RAB31: variants seen among roughly 807,000 people sequenced by gnomAD.
The protein encoded by RAB31 is RAB31, member RAS oncogene family.
A neutral mutation model predicts 25.6 loss-of-function variants in RAB31; 21 were observed. The ratio of observed to expected loss-of-function variants is 0.82; its 90% CI spans 0.58 to 1.18. RAB31 has a LOEUF of 1.18. Among genes scored for constraint, RAB31 ranks in the 50% most tolerant of loss-of-function variants. RAB31 has a pLI of 0.00. For synonymous variants in RAB31, 87 were observed against 84.0 expected, an observed-to-expected ratio of 1.04 and a Z score of -0.20; for missense variants, 196 against 250.1, an observed-to-expected ratio of 0.78 and a Z score of 1.46.
chr18:9,727,119 G>A (rs1169011647), intron 1 of RAB31, among the ~76,000 whole-genome samples: 2 of 152,160 alleles, frequency 1.3e-5, no homozygotes, highest in Non-Finnish European at 2.9e-5. Context: ...GCAGAGACAT[G>A]GATGCTGGCC....
chr18:9,793,029 C>CGAAT (rs1160133008), intron 3 of RAB31, among the ~76,000 whole-genome samples: 1 of 152,190 alleles, frequency 6.6e-6, no homozygotes, highest in African/African-American at 2.4e-5. Context: ...AGGGAAATGA[C>CGAAT]GAATACTAGC....
At chr18:9,718,504 C>A (rs564396766) in intron 1 of RAB31, among the ~76,000 whole-genome samples, 7 of 152,258 alleles carry the variant, frequency 4.6e-5, no homozygotes, top group African/African-American at 1.4e-4. Flanking sequence ...GGTGACCCAC[C>A]TGCCTCGGCC....
At chr18:9,832,394 A>G (rs1309478765) in intron 5 of RAB31, among the ~76,000 whole-genome samples, 1 of 152,224 alleles carries the variant, frequency 6.6e-6, no homozygotes, top group Non-Finnish European at 1.5e-5. Context: ...ACCGATGCAA[A>G]GTACACCCCA....
At chr18:9,838,433 T>C (rs1403277674) in intron 5 of RAB31, among the ~76,000 whole-genome samples, 1 of 152,176 alleles carries the variant, frequency 6.6e-6, no homozygotes, top group Non-Finnish European at 1.5e-5. Context: ...TAAACCTCCG[T>C]AGGGAAAAGC....
At chr18:9,765,990 C>T (rs1480147788) in intron 1 of RAB31, among the ~76,000 whole-genome samples, 2 of 152,004 alleles carry the variant, frequency 1.3e-5, no homozygotes, top group African/African-American at 4.8e-5. Context: ...ATATTCTCTT[C>T]CCCTTAGGCA....
chr18:9,807,951 C>T (rs988689925), intron 3 of RAB31, among the ~76,000 whole-genome samples: 3 of 152,204 alleles, frequency 2.0e-5, no homozygotes, highest in Non-Finnish European at 4.4e-5. Context: ...GTACTCCATC[C>T]TGGACGACAG....
intron 1 of RAB31, among the ~76,000 whole-genome samples, chr18:9,737,632 TTG>T (rs2068157347): frequency 6.6e-6 from 1 of 152,298 alleles, no homozygotes; most frequent in East Asian, 1.9e-4. Flanking sequence ...AGTGAATTGC[TTG>T]TGTTTATTAT....
chr18:9,835,047 A>G (rs1228413674), intron 5 of RAB31, among the ~76,000 whole-genome samples: 1 of 152,120 alleles, frequency 6.6e-6, no homozygotes, highest in Non-Finnish European at 1.5e-5. Context: ...GTTTATGTCA[A>G]TCCTCCCATC....
Position 9,766,654 on chromosome 18 carries a change from A to T in RAB31, c.40-8624A>T, listed in dbSNP as rs1190684513. On this transcript the variant is annotated intron_variant, in intron 1 of 6. Coordinates refer to ENST00000578921, the MANE Select transcript of RAB31 (RefSeq NM_006868.4). This position sits in a 1 kb window ranked among gnomAD's most constrained non-coding sequence, Gnocchi z 4.3. ...CTCCTTGTCAATGCTGAAGATGCTG[A>T]AGACGTTTTAGAAGCATGTGGCTGG... Among the ~76,000 whole-genome samples the T allele has an allele frequency of 1.3e-5, 2 of 152,156 alleles. No individual in the cohort carries two copies. Among genetic ancestry groups the T allele is most frequent in the Non-Finnish European group, 2.9e-5 (2 of 68,040 alleles).
At position 9,798,768 on chromosome 18, in the gene RAB31, G is replaced by A. The variant is rs568873636; in HGVS notation, c.201+6533G>A. On this transcript the variant is annotated intron_variant, in intron 3 of 6. Transcript: ENST00000578921. ...TGAGTAGCTGAGACTACCAGTGTAT[G>A]CCACCATGCGCAGCTAATTTAAAAA... 4.9e-5 allele frequency among the ~76,000 whole-genome samples: 7 copies of A among 142,718 alleles called. No homozygotes were observed. In the South Asian group the frequency reaches 1.7e-3, roughly 34 times the overall value. The allele number at this position is 142,718 out of a possible 152,430, so 93.6% of individuals were successfully genotyped here.
chr18:9,718,034 A>G (rs942794474), intron 1 of RAB31, among the ~76,000 whole-genome samples: 1 of 151,942 alleles, frequency 6.6e-6, no homozygotes, highest in Non-Finnish European at 1.5e-5. Context: ...AGCTGGGACT[A>G]TAGGTGCCCA....
At chr18:9,760,057 G>A (rs530794814) in intron 1 of RAB31, among the ~76,000 whole-genome samples, 1 of 152,022 alleles carries the variant, frequency 6.6e-6, no homozygotes, top group Non-Finnish European at 1.5e-5. Context: ...TTTTGAAAAA[G>A]ATTATTTTAA....
chr18:9,816,798 GT>G (rs1489355344), intron 5 of RAB31, among the ~76,000 whole-genome samples: 1 of 152,140 alleles, frequency 6.6e-6, no homozygotes, highest in African/African-American at 2.4e-5. Context: ...CATTCCCTTG[GT>G]TAATTTAATT....
chr18:9,848,954 A>G (rs1271298406), intron 6 of RAB31, among the ~76,000 whole-genome samples: 1 of 152,180 alleles, frequency 6.6e-6, no homozygotes, highest in Non-Finnish European at 1.5e-5. Context: ...TACCCTGTAA[A>G]GGATTTAGGT....
intron 1 of RAB31, among the ~76,000 whole-genome samples, chr18:9,746,979 C>T (rs2068209059): frequency 6.6e-6 from 1 of 152,112 alleles, no homozygotes; most frequent in South Asian, 2.1e-4. Context: ...GAAAAGACAG[C>T]CTACAGAATG....
chr18:9,737,170 C>A (rs1364694365), intron 1 of RAB31, among the ~76,000 whole-genome samples: 1 of 152,142 alleles, frequency 6.6e-6, no homozygotes, highest in Non-Finnish European at 1.5e-5. Context: ...ATAAAAATTC[C>A]AATCAGATAC....
intron 2 of RAB31, among the ~76,000 whole-genome samples, chr18:9,781,015 GTATACTGCTGA>G (rs1250428915): frequency 1.3e-5 from 2 of 152,280 alleles, no homozygotes; most frequent in African/African-American, 4.8e-5. Context: ...AGATACCCAT[GTATACTGCTGA>G]TTATTTCTTT....
intron 1 of RAB31, among the ~76,000 whole-genome samples, chr18:9,744,508 T>C (rs1599021196): frequency 6.6e-6 from 1 of 152,232 alleles, no homozygotes; most frequent in South Asian, 2.1e-4. Context: ...TTTGTATCTG[T>C]ATGAGAGTTG....
At chr18:9,856,602 A>G (rs562914880) in intron 6 of RAB31, among the ~76,000 whole-genome samples, 1 of 152,344 alleles carries the variant, frequency 6.6e-6, no homozygotes, top group East Asian at 1.9e-4. Context: ...TTTTGATGTT[A>G]ACATAGAATT....
Sources: gnomAD v4.1 joint callset for allele counts (sites outside exome capture counted in the v4.1 genomes callset) on GRCh38, gnomAD v4.1.1 for gene constraint, Gnocchi (gnomAD v3.1) non-coding constraint, MANE v1.5 for transcripts, NCBI Gene and HGNC (gene_info 2026-07-23, HGNC 2026-07-21) for gene names.